The following SRGAP3 variants were observed in gnomAD, a reference collection of about 807,000 sequenced individuals.
SRGAP3 encodes SLIT-ROBO Rho GTPase-activating protein 3.
SRGAP3 carries 39 observed loss-of-function variants against 121.1 expected under a neutral mutation model. That is an observed-to-expected ratio of 0.32 (90% CI 0.25 to 0.42). SRGAP3 has a LOEUF of 0.42. Among genes scored for constraint, SRGAP3 ranks in the 10% least tolerant of loss-of-function variants. The probability of loss-of-function intolerance (pLI) is 1.00; values close to 1 mark genes in which losing one functional copy is unlikely to be tolerated. For missense variants in SRGAP3, 1,213 were observed against 1,470.6 expected, an observed-to-expected ratio of 0.82 and a Z score of 2.86; for synonymous variants, 601 against 570.0, an observed-to-expected ratio of 1.05 and a Z score of -0.77.
intron 1 of SRGAP3, among the ~76,000 whole-genome samples, chr3:9,152,147 TG>T (rs767337554): frequency 2.0e-5 from 3 of 152,250 alleles, no homozygotes; most frequent in Non-Finnish European, 4.4e-5. Context: ...GAACATTGCC[TG>T]GCTCATCATA....
intron 1 of SRGAP3, among the ~76,000 whole-genome samples, chr3:9,169,129 GA>G (rs1950891059): frequency 6.6e-6 from 1 of 152,182 alleles, no homozygotes; most frequent in South Asian, 2.1e-4. Flanking sequence ...CCTCTCTGTG[GA>G]TCTATCTGTT....
At chr3:9,290,180 G>A (rs1954847922) in intron 3 of SRGAP3, among the ~76,000 whole-genome samples, 1 of 152,002 alleles carries the variant, frequency 6.6e-6, no homozygotes, top group Non-Finnish European at 1.5e-5. Context: ...TTGGGGCCCT[G>A]CTTACCTTTC....
chr3:9,047,602 CAGGGAACAG>C, intron 9 of SRGAP3, 127 bp from the exon 10 acceptor site: 1 of 881,210 alleles, frequency 1.1e-6, no homozygotes, highest in Non-Finnish European at 1.8e-6. Context: ...GACCCCGGCG[CAGGGAACAG>C]AGAGGCCTCT....
At chr3:9,016,950 T>C (rs1943669045) in intron 14 of SRGAP3, among the ~76,000 whole-genome samples, 1 of 152,232 alleles carries the variant, frequency 6.6e-6, no homozygotes, top group South Asian at 2.1e-4. Context: ...ATACTTAAAT[T>C]GTCCCAAATT....
At chr3:9,026,862 C>T in intron 13 of SRGAP3, 73 bp downstream of exon 13, 4 of 1,541,884 alleles carry the variant, frequency 2.6e-6, no homozygotes, top group Non-Finnish European at 3.6e-6. Context: ...AAATTAGAAT[C>T]TCATTTCCTA....
chr3:9,280,097 C>A (rs142245294), intron 3 of SRGAP3, among the ~76,000 whole-genome samples: 15 of 152,172 alleles, frequency 9.9e-5, no homozygotes, highest in Non-Finnish European at 8.8e-5. Context: ...TTAAGGAAGA[C>A]GGATGAAAAG....
intron 1 of SRGAP3, among the ~76,000 whole-genome samples, chr3:9,129,112 G>A (rs941332519): frequency 9.2e-5 from 14 of 152,088 alleles, no homozygotes; most frequent in African/African-American, 3.4e-4. Flanking sequence ...AAAATTTTTT[G>A]TAGAGACAGG....
At chr3:9,335,227 C>T (rs905619002) in intron 1 of SRGAP3, among the ~76,000 whole-genome samples, 1 of 152,162 alleles carries the variant, frequency 6.6e-6, no homozygotes, top group Admixed American at 6.5e-5. Context: ...ATAGCAGGGC[C>T]GCTAGTACTT....
At chr3:9,338,343 G>A (rs1427274823) in intron 1 of SRGAP3, among the ~76,000 whole-genome samples, 3 of 152,214 alleles carry the variant, frequency 2.0e-5, no homozygotes, top group Non-Finnish European at 4.4e-5. Flanking sequence ...AGGAAAGGCT[G>A]GTTCAGGGGC....
intron 4 of SRGAP3, among the ~76,000 whole-genome samples, chr3:9,074,776 C>T (rs981356486): frequency 2.6e-5 from 4 of 152,236 alleles, no homozygotes; most frequent in Non-Finnish European, 5.9e-5. Flanking sequence ...TGAGCCCATA[C>T]ACAATCAATC....
intron 17 of SRGAP3, 106 bp downstream of exon 17, chr3:9,013,202 A>G (rs1943457417): frequency 4.5e-6 from 5 of 1,103,262 alleles, no homozygotes; most frequent in South Asian, 2.7e-5. Context: ...TGTATATGGA[A>G]GCACCGACTA....
chr3:9,158,331 C>A (rs960161796), intron 1 of SRGAP3, among the ~76,000 whole-genome samples: 5 of 152,128 alleles, frequency 3.3e-5, no homozygotes, highest in Non-Finnish European at 5.9e-5. Flanking sequence ...TTTGCTCAAA[C>A]GCCAGAGAAG....
upstream of SRGAP3, among the ~76,000 whole-genome samples, chr3:9,252,211 G>C (rs905615800): frequency 1.3e-5 from 2 of 152,084 alleles, no homozygotes; most frequent in Non-Finnish European, 2.9e-5. Context: ...CTTCCACCAT[G>C]ATTGGAAGCT....
chr3:8,986,871 G>A (rs918891313), intron 21 of SRGAP3, among the ~76,000 whole-genome samples: 33 of 152,316 alleles, frequency 2.2e-4, no homozygotes, highest in African/African-American at 6.5e-4. Context: ...CAGAGAGAGC[G>A]AGCCCCCTGC....
Position 8,981,005 on chromosome 3 carries a change from C to T in SRGAP3, c.*4514G>A, listed in dbSNP as rs916371639. 2 of 233,222 alleles carry T rather than the reference C, an allele frequency of 8.6e-6. No individual in the cohort carries two copies. The highest frequency in any genetic ancestry group is 4.4e-5 in the African/African-American group (2 of 45,326). The allele number at this position is 233,222 out of a possible 1,614,324, so 14.4% of individuals were successfully genotyped here. ...CTGGTTGTTCTGGTTCAAGGAACAG[C>T]TTTGTTATTGGCCGGGGACAACTCA... On this transcript the variant is annotated 3_prime_UTR_variant, in exon 22 of 22. Transcript: ENST00000383836.
intron 4 of SRGAP3, among the ~76,000 whole-genome samples, chr3:9,069,934 G>A (rs1195854451): frequency 5.3e-5 from 8 of 152,018 alleles, no homozygotes; most frequent in African/African-American, 9.7e-5. Flanking sequence ...GCGACAGAGC[G>A]AGACTCCATC....
intron 10 of SRGAP3, among the ~76,000 whole-genome samples, chr3:9,045,593 G>GC (rs967076052): frequency 4.0e-5 from 6 of 151,782 alleles, no homozygotes; most frequent in Non-Finnish European, 7.4e-5. Flanking sequence ...CACAAAGCAA[G>GC]CCCCCCCGGA....
chr3:9,021,105 C>T lies in SRGAP3; in HGVS notation c.1678+4156G>A, dbSNP rs558116781. 9.2e-5 allele frequency among the ~76,000 whole-genome samples: 14 copies of T among 152,350 alleles called. No individual in the cohort carries two copies. In the East Asian group the frequency reaches 1.9e-3, roughly 21 times the overall value. On this transcript the variant is annotated intron_variant, in intron 14 of 21. Coordinates refer to ENST00000383836, the MANE Select transcript of SRGAP3 (RefSeq NM_014850.4). The stretch of plus-strand genomic sequence containing the variant: ...CTCGAGCCCCTCGACATGACAACCC[C>T]GCCCAGCATCTCCAGGTTCCATCCC...
chr3:9,086,713 C>T (rs1575052868), intron 3 of SRGAP3, among the ~76,000 whole-genome samples: 2 of 70,466 alleles, frequency 2.8e-5, no homozygotes, highest in African/African-American at 9.8e-5. Context: ...CACACATCTA[C>T]ACATATACAT....
Sources: gnomAD v4.1 joint callset for allele counts (sites outside exome capture counted in the v4.1 genomes callset) on GRCh38, gnomAD v4.1.1 for gene constraint, MANE v1.5 for transcripts, NCBI Gene and HGNC (gene_info 2026-07-23, HGNC 2026-07-21) for gene names.